The following CC2D1A variants were observed in gnomAD, a reference collection of about 807,000 sequenced individuals.
CC2D1A encodes coiled-coil and C2 domain-containing protein 1A.
In CC2D1A, 68 loss-of-function variants were observed where a neutral mutation model predicts 123.8. The ratio of observed to expected loss-of-function variants is 0.55; its 90% confidence interval spans 0.45 to 0.67. The LOEUF is 0.67. CC2D1A is among the 30% of genes least tolerant of loss of function. The pLI is 0.00. For missense variants in CC2D1A, 1,185 were observed against 1,290.3 expected (o/e 0.92, Z 1.25); for synonymous variants, 477 against 528.0 (o/e 0.90, Z 1.32).
chr19:13,919,641 G>A (rs1036950071), intron 11 of CC2D1A, 177 bp from the exon 12 acceptor site: 7 of 500,862 alleles, frequency 1.4e-5, no homozygotes. Context: ...TCATGCCACT[G>A]TACTCCAGCC....
intron 11 of CC2D1A, chr19:13,919,576 A>G (rs1971335036): frequency 5.2e-6 from 2 of 386,516 alleles, no homozygotes; most frequent in African/African-American, 2.1e-5. Flanking sequence ...CGTGGCTACA[A>G]GAAATTTAAA....
rs1971302946 is a variant in CC2D1A, at chr19:13,918,894, T to C, written c.1019-18T>C. 1 of 1,606,582 alleles carries C rather than the reference T, an allele frequency of 6.2e-7. No individual in the cohort carries two copies. Among genetic ancestry groups the C allele is most frequent in the East Asian group, 2.2e-5 (1 of 44,712 alleles). On this transcript the variant is annotated intron_variant, in intron 9 of 28. Coordinates refer to ENST00000318003, the MANE Select transcript of CC2D1A (RefSeq NM_017721.5). ...ACCCATCCGTTGACTCTTAACCTTG[T>C]CCCCCTGTCCGGCCCAGAGGTGCCC...
Position 13,909,959 on chromosome 19 carries a change from G to A in CC2D1A, c.196+1G>A, listed in dbSNP as rs1358918716. ...GCCCTGGAGAAGCTCAAAGGCAAAG[G>A]TGAGATGGTTAACACACCCTCAGAA... On this transcript the variant is annotated splice_donor_variant, in intron 2 of 28. Coordinates refer to ENST00000318003, the MANE Select transcript of CC2D1A (RefSeq NM_017721.5). LOFTEE classifies it high-confidence loss of function. 6.6e-7 allele frequency: 1 copy of A among 1,513,290 alleles called. No individual in the cohort carries two copies. The allele number at this position is 1,513,290 out of a possible 1,614,324, so 93.7% of individuals were successfully genotyped here. A position where few individuals can be genotyped will look rare whatever the true frequency, so the allele number is the denominator to read the frequency against.
intron 22 of CC2D1A, 135 bp from the exon 23 acceptor site, chr19:13,927,758 G>A: frequency 1.1e-6 from 1 of 933,778 alleles, no homozygotes; most frequent in Non-Finnish European, 1.6e-6. Context: ...CTCCAGCCTG[G>A]ACAACAGAGC....
intron 2 of CC2D1A, among the ~76,000 whole-genome samples, chr19:13,910,779 C>T (rs1335800413): frequency 1.3e-5 from 2 of 152,056 alleles, no homozygotes; most frequent in Non-Finnish European, 2.9e-5. Flanking sequence ...AGCTTGGTGG[C>T]GAACACCTGT....
intron 1 of CC2D1A, 139 bp from the exon 2 acceptor site, chr19:13,909,684 C>T (rs1237378293): frequency 8.8e-7 from 1 of 1,131,882 alleles, no homozygotes; most frequent in East Asian, 2.4e-5. Context: ...CTTGTTCCAG[C>T]CTCCTGGCAC....
chr19:13,921,404 G>A (rs1971406883), intron 14 of CC2D1A, among the ~76,000 whole-genome samples: 1 of 151,924 alleles, frequency 6.6e-6, no homozygotes, highest in Non-Finnish European at 1.5e-5. Context: ...GGGAAGGGGA[G>A]GGGATCAGAT....
intron 7 of CC2D1A, 103 bp from the exon 8 acceptor site, chr19:13,918,401 G>A: frequency 1.6e-6 from 2 of 1,213,572 alleles, no homozygotes; most frequent in Non-Finnish European, 2.3e-6. Context: ...ATGGAAGGGA[G>A]GGAGCTAGAA....
rs1170758268 is a variant in CC2D1A at position 13,920,541 on chromosome 19, C to T, written c.1357-16C>T. On this transcript the variant is annotated splice_polypyrimidine_tract_variant and intron_variant, in intron 12 of 28. Coordinates refer to ENST00000318003, the MANE Select transcript of CC2D1A (RefSeq NM_017721.5). ...GGCGCTACGAAATCTCTAACATCCT[C>T]TCTCTTCCTCTACAGCAGAACAGCC... 1 of 1,468,696 alleles carries T rather than the reference C, an allele frequency of 6.8e-7. No homozygotes were observed. 91.0% of individuals were successfully genotyped at this position (1,468,696 alleles called of 1,614,324 possible). A position where few individuals can be genotyped will look rare whatever the true frequency, so the allele number is the denominator to read the frequency against.
chr19:13,922,033 G>A (rs901840963), intron 14 of CC2D1A, among the ~76,000 whole-genome samples: 3 of 152,020 alleles, frequency 2.0e-5, no homozygotes, highest in Admixed American at 6.6e-5. Flanking sequence ...ACGGAGTCTC[G>A]CCCTGTCATC....
In CC2D1A at chr19:13,913,574, G is replaced by T. The variant is rs764693828; in HGVS notation, c.684G>T (p.Leu228=). 5 of 1,614,006 alleles carry T rather than the reference G, an allele frequency of 3.1e-6. No homozygotes were observed. Among genetic ancestry groups the T allele is most frequent in the Middle Eastern group, 3.3e-4 (2 of 6,060 alleles). ...CAGCCCCAGAGCCCAGGGTCACCCTGGAGGGACCTTCTGCCACCGCCCCAG... is the reference window on the plus strand; with the variant it reads ...CAGCCCCAGAGCCCAGGGTCACCCTTGAGGGACCTTCTGCCACCGCCCCAG... ...IASAPEPRVT[L]EGPSATAPAS... The change falls in exon 6 of 29, where the codon CTG becomes CTT. Residue 228 remains leucine (L), a synonymous_variant. Transcript: ENST00000318003.
intron 6 of CC2D1A, among the ~76,000 whole-genome samples, chr19:13,916,410 A>G (rs1599387057): frequency 6.6e-6 from 1 of 152,028 alleles, no homozygotes; most frequent in African/African-American, 2.4e-5. Flanking sequence ...ATAAAAAATT[A>G]AAAATTAGCC....
At chr19:13,929,500 G>A (rs982295761) in intron 25 of CC2D1A, 34 bp from the exon 26 acceptor site, 1 of 1,612,512 alleles carries the variant, frequency 6.2e-7, no homozygotes, top group Admixed American at 1.7e-5. Flanking sequence ...GCAGGCCCAG[G>A]CAGGATCCTC....
At chr19:13,929,759 G>A (rs1201368147) in intron 26 of CC2D1A, 99 bp downstream of exon 26, 3 of 289,034 alleles carry the variant, frequency 1.0e-5, no homozygotes, top group Admixed American at 6.3e-5. Flanking sequence ...GGAGGGGCTC[G>A]GGGATGGGCA....
chr19:13,910,446 G>A (rs1970963513), intron 2 of CC2D1A, among the ~76,000 whole-genome samples: 1 of 149,292 alleles, frequency 6.7e-6, no homozygotes, highest in Non-Finnish European at 1.5e-5. Context: ...AGTCTGGACC[G>A]AGACTGAGAG....
At chr19:13,907,618 G>C (rs929922255) in intron 1 of CC2D1A, among the ~76,000 whole-genome samples, 4 of 152,032 alleles carry the variant, frequency 2.6e-5, no homozygotes, top group Non-Finnish European at 5.9e-5. Flanking sequence ...GTTGCAGTGA[G>C]CTGAGATCGC....
Position 13,919,142 on chromosome 19 carries a change from G to T in CC2D1A, c.1162G>T (p.Ala388Ser). Residue 388 changes from alanine to serine, a missense_variant, in exon 11 of 29, where the codon GCC becomes TCC. Physicochemically the swap from Ala to Ser is moderately conservative, Grantham distance 99. Transcript: ENST00000318003. ...GTGGCCCTCGCAGCAATACCAAGAT[G>T]CCATCCGAGCCCACAAGGCTGGCCG... is the stretch of plus-strand genomic sequence containing the variant. Reference protein sequence around the residue: ...HERIVKQYQDAIRAHKAGRAV... With the variant: ...HERIVKQYQDSIRAHKAGRAV... 1 of 1,612,438 alleles carries T rather than the reference G, an allele frequency of 6.2e-7. No individual in the cohort carries two copies. The highest frequency in any genetic ancestry group is 8.5e-7 in the Non-Finnish European group (1 of 1,179,364).
rs1210738190 is a variant in CC2D1A, at chr19:13,925,933, AATATAT to A, written c.1941-562_1941-557del. On this transcript the variant is annotated intron_variant, in intron 17 of 28. Transcript: ENST00000318003. ...AGACTCTGTCTAAAAAAAAAAAAAA[AATATAT>A]ATATATATATATATATATATACACG... is the stretch of plus-strand genomic sequence containing the variant. Among the ~76,000 whole-genome samples the A allele has an allele frequency of 2.1e-3, 188 of 91,030 alleles. 2 individuals are homozygous for A. The Middle Eastern group carries it at 0.023, about 11-fold the overall frequency. The allele number at this position is 91,030 out of a possible 152,430, so 59.7% of individuals were successfully genotyped here. A position where few individuals can be genotyped will look rare whatever the true frequency, so the allele number is the denominator to read the frequency against.
chr19:13,920,486 C>T, intron 12 of CC2D1A, 71 bp from the exon 13 acceptor site: 1 of 926,066 alleles, frequency 1.1e-6, no homozygotes, highest in African/African-American at 1.6e-5. Context: ...CACCATCAGA[C>T]CCTGATCCTT....
Sources: allele counts gnomAD v4.1 joint callset (sites outside exome capture counted in the v4.1 genomes callset), GRCh38; gene constraint gnomAD v4.1.1; transcripts MANE v1.5; gene names NCBI Gene and HGNC (gene_info 2026-07-23, HGNC 2026-07-21).